ABCC3: variants seen among roughly 807,000 people sequenced by gnomAD.
The protein encoded by ABCC3 is ATP binding cassette subfamily C member 3.
ABCC3 carries 121 observed loss-of-function variants against 165.3 expected under a neutral mutation model. The ratio of observed to expected loss-of-function variants is 0.73; its 90% confidence interval spans 0.63 to 0.85. The LOEUF (loss-of-function observed/expected upper bound fraction) is 0.85. Ranked by LOEUF, ABCC3 falls within the 40% of genes least tolerant of loss-of-function variation. ABCC3 has a pLI of 0.00. For synonymous variants in ABCC3, 733 were observed against 810.1 expected, an observed-to-expected ratio of 0.90 and a Z score of 1.62; for missense variants, 1,869 against 1,964.1, an observed-to-expected ratio of 0.95 and a Z score of 0.92.
rs1261347598 is a variant in ABCC3, at chr17:50,635,274, G to A, written c.45+293G>A. On this transcript the variant is annotated intron_variant, in intron 1 of 30. Coordinates refer to ENST00000285238, the MANE Select transcript of ABCC3 (RefSeq NM_003786.4). The stretch of plus-strand genomic sequence containing the variant: ...CGGCTGGGGCGCAAAGGCACAGTGC[G>A]TGGCTGGGTGAGTCGGCTCCATCCC... 1.3e-5 allele frequency: 8 copies of A among 627,210 alleles called. No individual in the cohort carries two copies. In the East Asian group the frequency reaches 1.9e-4, roughly 15 times the overall value. The allele number at this position is 627,210 out of a possible 1,614,324, so 38.9% of individuals were successfully genotyped here.
intron 4 of ABCC3, 48 bp downstream of exon 4, chr17:50,657,231 G>C (rs1345871685): frequency 6.3e-7 from 1 of 1,597,204 alleles, no homozygotes; most frequent in Non-Finnish European, 8.5e-7. Context: ...CCTGATAGGA[G>C]GGTGACCTCA....
intron 1 of ABCC3, among the ~76,000 whole-genome samples, chr17:50,640,979 T>C (rs2054225771): frequency 6.6e-6 from 1 of 152,204 alleles, no homozygotes. Context: ...GGCTTCCTTC[T>C]CCAGTACCAC....
At chr17:50,658,573 A>T in intron 6 of ABCC3, 77 bp downstream of exon 6, 1 of 1,512,066 alleles carries the variant, frequency 6.6e-7, no homozygotes, top group Non-Finnish European at 9.2e-7. Flanking sequence ...GGAGCAGGGC[A>T]GCAGTTTAGG....
chr17:50,645,806 C>T (rs1353325279), intron 1 of ABCC3, among the ~76,000 whole-genome samples: 2 of 152,090 alleles, frequency 1.3e-5, no homozygotes, highest in African/African-American at 4.8e-5. Flanking sequence ...TGCTATGTTG[C>T]CCAGGCTGGT....
At chr17:50,680,254 T>A (rs981082939) in intron 26 of ABCC3, among the ~76,000 whole-genome samples, 3 of 152,110 alleles carry the variant, frequency 2.0e-5, no homozygotes, top group African/African-American at 7.2e-5. Context: ...ATGAGAAGGA[T>A]GGACAGGCTT....
chr17:50,635,170 A>C lies in ABCC3; in HGVS notation c.45+189A>C. On this transcript the variant is annotated intron_variant, in intron 1 of 30. Transcript: ENST00000285238. ...GCTGCGCCGCCCGGAGCCGGGTCCC[A>C]CGCGGTGTCGGGGACCTGCCCTGCT... The C allele has an allele frequency of 6.7e-6, 4 of 598,802 alleles. No homozygotes were observed. In the East Asian group the frequency reaches 1.3e-4, roughly 19 times the overall value. 37.1% of individuals were successfully genotyped at this position (598,802 alleles called of 1,614,324 possible). A position where few individuals can be genotyped will look rare whatever the true frequency, so the allele number is the denominator to read the frequency against.
At chr17:50,654,974 C>T (rs570490140) in intron 1 of ABCC3, among the ~76,000 whole-genome samples, 1 of 149,854 alleles carries the variant, frequency 6.7e-6, no homozygotes, top group African/African-American at 2.5e-5. Context: ...GTGGTGGGCA[C>T]CTGTAGTCCC....
intron 11 of ABCC3, among the ~76,000 whole-genome samples, chr17:50,665,687 C>A (rs1967510100): frequency 6.6e-6 from 1 of 151,248 alleles, no homozygotes; most frequent in Admixed American, 6.6e-5. Context: ...CTCACTGCAA[C>A]CTCTGCCTCC....
intron 30 of ABCC3, among the ~76,000 whole-genome samples, chr17:50,690,392 C>G (rs1968101667): frequency 6.6e-6 from 1 of 152,164 alleles, no homozygotes; most frequent in Admixed American, 6.5e-5. Context: ...CAGTCCTTCC[C>G]AGGACACATC....
rs1567829338 is a variant in ABCC3, at chr17:50,658,490, T to A, written c.668T>A (p.Phe223Tyr). 1 of 1,613,854 alleles carries A rather than the reference T, an allele frequency of 6.2e-7. No homozygotes were observed. Among genetic ancestry groups the A allele is most frequent in the Non-Finnish European group, 8.5e-7 (1 of 1,179,826 alleles). ...GFLSRLFFWW[F>Y]TKMAIYGYRH... Reference sequence around the variant, plus strand: ...CTCTCCCGCCTGTTTTTCTGGTGGTTCACAAAGTGAGTTGGCTCTTCCACC... The same window carrying A: ...CTCTCCCGCCTGTTTTTCTGGTGGTACACAAAGTGAGTTGGCTCTTCCACC... Residue 223 changes from phenylalanine (F) to tyrosine (Y), a missense_variant, in exon 6 of 31, where the codon TTC (phenylalanine) becomes TAC (tyrosine). Phe to Tyr is a conservative substitution (Grantham distance 22, BLOSUM62 3). Transcript: ENST00000285238.
intron 1 of ABCC3, among the ~76,000 whole-genome samples, chr17:50,653,308 T>C (rs1287370356): frequency 1.6e-5 from 2 of 126,062 alleles, no homozygotes; most frequent in African/African-American, 3.2e-5. Flanking sequence ...ATCACGCCAT[T>C]ACACTCCAGC....
chr17:50,676,433 G>C lies in ABCC3; in HGVS notation c.3223G>C (p.Asp1075His). 1 of 1,614,188 alleles carries C rather than the reference G, an allele frequency of 6.2e-7. No individual in the cohort carries two copies. Among genetic ancestry groups the C allele is most frequent in the Non-Finnish European group, 8.5e-7 (1 of 1,180,042 alleles). The change falls in exon 23 of 31, where the codon GAC (aspartate) becomes CAC (histidine). Residue 1075 changes from aspartate (D) to histidine (H), a missense_variant. Physicochemically the swap from Asp to His is moderately conservative, Grantham distance 81. Transcript: ENST00000285238. ...SGRILNCFSK[D>H]IYVVDEVLAP... ...CCGCATCCTGAACTGCTTCTCCAAG[G>C]ACATCTATGTCGTTGATGAGGTTCT...
intron 17 of ABCC3, among the ~76,000 whole-genome samples, chr17:50,670,231 C>T (rs1444911924): frequency 6.6e-6 from 1 of 152,044 alleles, no homozygotes; most frequent in Non-Finnish European, 1.5e-5. Context: ...TACGGGTGCG[C>T]ACCACCACAC....
At position 50,657,169 on chromosome 17, in the gene ABCC3, T is replaced by G; in HGVS notation, c.472T>G (p.Leu158Val). 3 of 1,614,062 alleles carry G rather than the reference T, an allele frequency of 1.9e-6. No individual in the cohort carries two copies. The highest frequency in any genetic ancestry group is 2.5e-6 in the Non-Finnish European group (3 of 1,179,958). The part of the protein sequence containing the change: ...AIVPFRSKIL[L>V]AKAEGEISDP... ...CGTCCCATTCCGCTCCAAGATCCTT[T>G]TAGCCAAGGCAGAGGTAAGGTTGGG... Residue 158 changes from leucine to valine, a missense_variant, in exon 4 of 31, where the codon TTA becomes GTA. Coordinates refer to ENST00000285238, the MANE Select transcript of ABCC3 (RefSeq NM_003786.4).
Position 50,675,479 on chromosome 17 carries a change from G to C in ABCC3, c.2714+3G>C. 1 of 1,611,086 alleles carries C rather than the reference G, an allele frequency of 6.2e-7. No individual in the cohort carries two copies. Among genetic ancestry groups the C allele is most frequent in the South Asian group, 1.1e-5 (1 of 90,624 alleles). ...GTGGTCCAGAAGCAGTTTATGAGGT[G>C]AGTTCCTGAGAGCTCCCAGCCCTCC... is the stretch of plus-strand genomic sequence containing the variant. On this transcript the variant is annotated splice_donor_region_variant and intron_variant, in intron 20 of 30. Transcript: ENST00000285238.
Position 50,676,560 on chromosome 17 carries a change from C to A in ABCC3, c.3350C>A (p.Pro1117His). 6.2e-7 allele frequency: 1 copy of A among 1,613,064 alleles called. No individual in the cohort carries two copies. Among genetic ancestry groups the A allele is most frequent in the Non-Finnish European group, 8.5e-7 (1 of 1,179,402 alleles). ...STPLFTVVIL[P>H]LAVLYTLVQR... ...CCGCTCTTCACTGTGGTCATCCTGC[C>A]CCTGGCTGTGCTCTACACCTTAGTG... Residue 1117 changes from proline to histidine, a missense_variant, in exon 23 of 31, where the codon CCC becomes CAC. By Grantham distance (77) the Pro-to-His change is moderately conservative (BLOSUM62 -2). Coordinates refer to ENST00000285238, the MANE Select transcript of ABCC3 (RefSeq NM_003786.4).
Position 50,675,648 on chromosome 17 carries a change from C to A in ABCC3, c.2732C>A (p.Ser911Tyr). 1 of 1,570,426 alleles carries A rather than the reference C, an allele frequency of 6.4e-7. No individual in the cohort carries two copies. The highest frequency in any genetic ancestry group is 8.6e-7 in the Non-Finnish European group (1 of 1,157,804). ...CTCCACAGACAGCTGAGTGCCCTGT[C>A]CTCAGATGGGGAGGGACAGGGTCGG... is the stretch of plus-strand genomic sequence containing the variant. ...KQFMRQLSAL[S>Y]SDGEGQGRPV... is the part of the protein sequence containing the mutation. The change falls in exon 21 of 31, where the codon TCC becomes TAC. Residue 911 changes from serine to tyrosine, a missense_variant. By Grantham distance (144) the Ser-to-Tyr change is moderately radical. Coordinates refer to ENST00000285238, the MANE Select transcript of ABCC3 (RefSeq NM_003786.4).
chr17:50,675,364 T>C lies in ABCC3; in HGVS notation c.2602T>C (p.Leu868=), dbSNP rs1353772843. The C allele has an allele frequency of 1.2e-6, 2 of 1,610,032 alleles. No homozygotes were observed. The highest frequency in any genetic ancestry group is 1.7e-6 in the Non-Finnish European group (2 of 1,177,606). The part of the protein sequence containing the change: ...QGHLEDSWTA[L]EGAEDKEALL... ...TCCTTCCTCCCACCCTACTGCAGCG[T>C]TGGAAGGTGCAGAGGATAAGGAGGC... The change falls in exon 20 of 31, where the codon TTG becomes CTG. Residue 868 remains leucine (L), a splice_region_variant and synonymous_variant. Coordinates refer to ENST00000285238, the MANE Select transcript of ABCC3 (RefSeq NM_003786.4).
chr17:50,660,627 C>T (rs1465211095), intron 7 of ABCC3, among the ~76,000 whole-genome samples: 1 of 152,154 alleles, frequency 6.6e-6, no homozygotes, highest in African/African-American at 2.4e-5. Flanking sequence ...TCTACCTTCC[C>T]TCTTGGCGTC....
Sources: allele counts gnomAD v4.1 joint callset (sites outside exome capture counted in the v4.1 genomes callset), GRCh38; gene constraint gnomAD v4.1.1; transcripts MANE v1.5; gene names NCBI Gene and HGNC (gene_info 2026-07-23, HGNC 2026-07-21).